TGFBR3: variants seen among roughly 807,000 people sequenced by gnomAD.
TGFBR3 encodes the protein transforming growth factor beta receptor type 3.
Under a neutral mutation model 87.9 loss-of-function variants are expected in TGFBR3, and 46 were observed. The observed-to-expected ratio is 0.52, with a 90% CI of 0.41 to 0.67. The LOEUF is 0.67. TGFBR3 is among the 30% of genes least tolerant of loss of function. TGFBR3 has a pLI of 0.00. For missense variants in TGFBR3, 866 were observed against 1,041.9 expected, an observed-to-expected ratio of 0.83 and a Z score of 2.32; for synonymous variants, 381 against 391.6, an observed-to-expected ratio of 0.97 and a Z score of 0.32.
In TGFBR3 at chr1:91,712,563, G is replaced by T. The variant is rs1348756635; in HGVS notation, c.1867-21C>A. 3.1e-6 allele frequency: 5 copies of T among 1,613,032 alleles called. No individual in the cohort carries two copies. In the African/African-American group the frequency reaches 4.0e-5, roughly 13 times the overall value. On this transcript the variant is annotated intron_variant, in intron 12 of 16. Coordinates refer to ENST00000212355, the MANE Select transcript of TGFBR3 (RefSeq NM_003243.5). Reference sequence around the variant, plus strand: ...GATACCTATGAAAGAACAGAAAGATGAATTAGGAAATGAGTTAGCATCTCA... The same window carrying T: ...GATACCTATGAAAGAACAGAAAGATTAATTAGGAAATGAGTTAGCATCTCA...
intron 2 of TGFBR3, among the ~76,000 whole-genome samples, chr1:91,895,452 A>C (rs1372877124): frequency 6.6e-6 from 1 of 151,984 alleles, no homozygotes; most frequent in African/African-American, 2.4e-5. Context: ...GAGCCAATTA[A>C]ACCTCTTTTC....
At chr1:91,809,714 T>C (rs1330765843) in intron 2 of TGFBR3, among the ~76,000 whole-genome samples, 1 of 152,216 alleles carries the variant, frequency 6.6e-6, no homozygotes. Context: ...TAACACTGAA[T>C]GCCAAATTAT....
chr1:91,720,333 TA>T, intron 8 of TGFBR3, 103 bp from the exon 9 acceptor site: 1 of 1,142,610 alleles, frequency 8.8e-7, no homozygotes. Flanking sequence ...TGGGCAGGTG[TA>T]AAATGACTTT....
chr1:91,710,453 G>A (rs1671939183), intron 13 of TGFBR3, among the ~76,000 whole-genome samples: 1 of 152,090 alleles, frequency 6.6e-6, no homozygotes, highest in Admixed American at 6.6e-5. Context: ...TTAACTCAGT[G>A]GAGTGTGACC....
chr1:91,809,464 G>A (rs1675954175), intron 2 of TGFBR3, among the ~76,000 whole-genome samples: 1 of 152,208 alleles, frequency 6.6e-6, no homozygotes, highest in Admixed American at 6.5e-5. Flanking sequence ...AGGAAGGGCA[G>A]AAGGGGGAAA....
chr1:91,766,172 C>G (rs535558119), intron 3 of TGFBR3, among the ~76,000 whole-genome samples: 1 of 151,498 alleles, frequency 6.6e-6, no homozygotes, highest in South Asian at 2.1e-4. Context: ...CAGGCATAAA[C>G]CACCATAACC....
intron 16 of TGFBR3, among the ~76,000 whole-genome samples, chr1:91,691,020 A>C (rs1671244990): frequency 6.6e-6 from 1 of 152,166 alleles, no homozygotes; most frequent in Admixed American, 6.5e-5. Flanking sequence ...ACAGGAAAAA[A>C]GTTATTAGAA....
At chr1:91,809,628 C>T (rs1189330862) in intron 2 of TGFBR3, among the ~76,000 whole-genome samples, 1 of 152,200 alleles carries the variant, frequency 6.6e-6, no homozygotes, top group Non-Finnish European at 1.5e-5. Context: ...GGGCCACGAA[C>T]TAAAACACAT....
intron 14 of TGFBR3, among the ~76,000 whole-genome samples, chr1:91,705,745 G>A (rs1181136257): frequency 6.6e-6 from 1 of 152,170 alleles, no homozygotes; most frequent in African/African-American, 2.4e-5. Context: ...CTGGCCTACA[G>A]TTTAACCGCC....
At chr1:91,782,263 T>C (rs2100968249) in intron 3 of TGFBR3, among the ~76,000 whole-genome samples, 1 of 152,262 alleles carries the variant, frequency 6.6e-6, no homozygotes, top group Middle Eastern at 3.4e-3. Context: ...GGGAGGGTGA[T>C]CGGCCCCCAG....
Position 91,695,460 on chromosome 1 carries a change from C to T in TGFBR3, c.2437+212G>A. On this transcript the variant is annotated intron_variant, in intron 16 of 16. Transcript: ENST00000212355. Reference sequence around the variant, plus strand: ...CTAAATTTCACCAACATCACAATCGCAATTAGCACAGTTTAAACCTTCCTT... The same window carrying T: ...CTAAATTTCACCAACATCACAATCGTAATTAGCACAGTTTAAACCTTCCTT... The T allele has an allele frequency of 1.8e-5, 10 of 559,052 alleles. No homozygotes were observed. In the South Asian group the frequency reaches 2.0e-4, roughly 11 times the overall value. 34.6% of individuals were successfully genotyped at this position (559,052 alleles called of 1,614,324 possible). A position where few individuals can be genotyped will look rare whatever the true frequency, so the allele number is the denominator to read the frequency against.
chr1:91,741,950 G>A (rs370504411), intron 4 of TGFBR3, among the ~76,000 whole-genome samples: 25 of 152,194 alleles, frequency 1.6e-4, no homozygotes, highest in East Asian at 9.6e-4. Context: ...TTAACATGGC[G>A]CATGACTGAA....
chr1:91,687,605 T>C (rs1238786120), intron 16 of TGFBR3, among the ~76,000 whole-genome samples: 2 of 152,154 alleles, frequency 1.3e-5, no homozygotes, highest in African/African-American at 4.8e-5. Flanking sequence ...GCAAGCTTGG[T>C]ATTTAGGCCA....
rs56351917 is a variant in TGFBR3 at position 91,748,722 on chromosome 1, G to GTATTATTAT, written c.384+9882_384+9890dup. 2.0e-3 allele frequency among the ~76,000 whole-genome samples: 292 copies of GTATTATTAT among 148,598 alleles called. 1 individual carries two copies. The highest frequency in any genetic ancestry group is 8.7e-3 in the East Asian group (44 of 5,036). The stretch of plus-strand genomic sequence containing the variant: ...AGGTCCCCATTTACCATTCTGGAAA[G>GTATTATTAT]TATTATTATTATTATTATTATTATT... On this transcript the variant is annotated intron_variant, in intron 4 of 16. Coordinates refer to ENST00000212355, the MANE Select transcript of TGFBR3 (RefSeq NM_003243.5).
chr1:91,901,009 C>T (rs192109774), intron 1 of TGFBR3, among the ~76,000 whole-genome samples: 3 of 152,190 alleles, frequency 2.0e-5, no homozygotes, highest in African/African-American at 7.2e-5. Flanking sequence ...TATAGGCATA[C>T]ACCACTGAAT....
At chr1:91,749,071 T>C (rs284170) in intron 4 of TGFBR3, among the ~76,000 whole-genome samples, 131,476 of 152,120 alleles carry the variant, frequency 0.86, 57,009 homozygotes, top group African/African-American at 0.93. Flanking sequence ...TTCCTCACTA[T>C]GGCAGGACCA....
chr1:91,781,829 G>C (rs1674778479), intron 3 of TGFBR3, among the ~76,000 whole-genome samples: 1 of 152,094 alleles, frequency 6.6e-6, no homozygotes, highest in Non-Finnish European at 1.5e-5. Context: ...AATGCAAATA[G>C]GAGAGCTGAA....
intron 16 of TGFBR3, among the ~76,000 whole-genome samples, chr1:91,691,172 C>G (rs957234367): frequency 1.3e-5 from 2 of 151,588 alleles, no homozygotes; most frequent in African/African-American, 4.9e-5. Flanking sequence ...AATTAAAGGA[C>G]AAGAGGTTCA....
At chr1:91,801,098 A>AG (rs1675610939) in intron 2 of TGFBR3, 13 of 218,012 alleles carry the variant, frequency 6.0e-5, no homozygotes, top group African/African-American at 2.1e-4. Context: ...AAAAAAAAAA[A>AG]AAGAGAGAGA....
Sources: allele counts gnomAD v4.1 joint callset (sites outside exome capture counted in the v4.1 genomes callset), GRCh38; gene constraint gnomAD v4.1.1; transcripts MANE v1.5; gene names NCBI Gene and HGNC (gene_info 2026-07-23, HGNC 2026-07-21).